The following NOTCH2NLR variants were observed in gnomAD, a reference collection of about 807,000 sequenced individuals.
The protein encoded by NOTCH2NLR is notch 2 N-terminal like R.
In NOTCH2NLR, 33 loss-of-function variants were observed where a neutral mutation model predicts 35.6. That is an observed-to-expected ratio of 0.93 (90% CI 0.70 to 1.24). NOTCH2NLR has a LOEUF of 1.24. Among genes scored for constraint, NOTCH2NLR ranks in the 50% most tolerant of loss-of-function variants. The pLI is 0.00. For synonymous variants in NOTCH2NLR, 103 were observed against 141.0 expected (o/e 0.73, Z 1.91); for missense variants, 276 against 362.2 (o/e 0.76, Z 1.93).
rs1256273353 is a variant in NOTCH2NLR, at chr1:120,790,535, C to CCTTCCTTTCTTTCTTT, written c.416-2623_416-2622insCCTTTCTTTCTTTCTT. On this transcript the variant is annotated intron_variant, in intron 3 of 4. Coordinates refer to ENST00000624419, the Ensembl canonical transcript of NOTCH2NLR. ...TTGATTCTTTCTTTCTTTCTCCCTC[C>CCTTCCTTTCTTTCTTT]CTTTCTTTCTTTCTTTCTTTCTTTC... 1.8e-4 allele frequency among the ~76,000 whole-genome samples: 14 copies of CCTTCCTTTCTTTCTTT among 76,714 alleles called. 1 individual carries two copies. In the East Asian group the frequency reaches 4.5e-3, roughly 25 times the overall value. The allele number at this position is 76,714 out of a possible 152,430, so 50.3% of individuals were successfully genotyped here.
chr1:120,792,774 A>G (rs1431893875), intron 3 of NOTCH2NLR, among the ~76,000 whole-genome samples: 2 of 101,828 alleles, frequency 2.0e-5, no homozygotes, highest in Non-Finnish European at 3.6e-5. Flanking sequence ...TGCTGGAATT[A>G]CAGGTGTGAG....
rs1206962436 is a variant in NOTCH2NLR at position 120,728,475 on chromosome 1, T to C, written c.73+4225T>C. On this transcript the variant is annotated intron_variant, in intron 1 of 4. Coordinates refer to ENST00000624419, the Ensembl canonical transcript of NOTCH2NLR. ...TGTGGGGTTTCTTTCTTTCTTTTTC[T>C]GATCACTTCTGCAATTTATAAATCA... 1.7e-5 allele frequency among the ~76,000 whole-genome samples: 2 copies of C among 115,488 alleles called. 1 individual carries two copies. The highest frequency in any genetic ancestry group is 4.2e-4 in the East Asian group (2 of 4,762). 75.8% of individuals were successfully genotyped at this position (115,488 alleles called of 152,430 possible).
chr1:120,770,023 T>C lies in NOTCH2NLR; in HGVS notation c.155+6314T>C, dbSNP rs1220313763. ...AAATCAAAATTAATGCAAAATAAGT[T>C]GAAAATTATCAAAATTTTAAATAAG... On this transcript the variant is annotated intron_variant, in intron 2 of 4. Transcript: ENST00000624419. 1.8e-5 allele frequency among the ~76,000 whole-genome samples: 2 copies of C among 113,428 alleles called. 1 individual carries two copies. Among genetic ancestry groups the C allele is most frequent in the Non-Finnish European group, 3.7e-5 (2 of 53,938 alleles). The allele number at this position is 113,428 out of a possible 152,430, so 74.4% of individuals were successfully genotyped here.
intron 3 of NOTCH2NLR, among the ~76,000 whole-genome samples, chr1:120,789,306 C>A (rs1651457513): frequency 2.7e-5 from 1 of 36,792 alleles, no homozygotes; most frequent in Non-Finnish European, 4.3e-5. Context: ...CTCGCAAAAA[C>A]CCCACTCTTG....
Position 120,793,773 on chromosome 1 carries a change from G to A in NOTCH2NLR, c.778G>A (p.Ala260Thr), listed in dbSNP as rs1252055643. The change falls in exon 5 of 5, where the codon GCT becomes ACT. Residue 260 changes from alanine to threonine, a missense_variant. Transcript: ENST00000624419. ...AACAGTGAGAAATAAGAGGAACAGA[G>A]CTCTGGGAAAGAGACAGGCAAGTCT... 4.4e-5 allele frequency: 44 copies of A among 1,008,274 alleles called. 13 individuals carry two copies. The South Asian group carries it at 5.7e-4, about 13-fold the overall frequency. The allele number at this position is 1,008,274 out of a possible 1,614,324, so 62.5% of individuals were successfully genotyped here. A position where few individuals can be genotyped will look rare whatever the true frequency, so the allele number is the denominator to read the frequency against.
In NOTCH2NLR at chr1:120,776,093, T is replaced by C. The variant is rs1363272667; in HGVS notation, c.156-8881T>C. On this transcript the variant is annotated intron_variant, in intron 2 of 4. Coordinates refer to ENST00000624419, the Ensembl canonical transcript of NOTCH2NLR. ...TAAAGATTCCACAGAGCCCTTCACT[T>C]TGACCTTTTGCTTCTGCACTGAATA... 2.3e-4 allele frequency among the ~76,000 whole-genome samples: 27 copies of C among 116,256 alleles called. 4 individuals are homozygous for C. Among genetic ancestry groups the C allele is most frequent in the Non-Finnish European group, 4.1e-4 (25 of 60,878 alleles). The allele number at this position is 116,256 out of a possible 152,430, so 76.3% of individuals were successfully genotyped here.
rs1220100494 is a variant in NOTCH2NLR, at chr1:120,756,027, C to G, written c.74-7601C>G. 6.3e-5 allele frequency among the ~76,000 whole-genome samples: 7 copies of G among 110,806 alleles called. 1 individual carries two copies. The highest frequency in any genetic ancestry group is 2.7e-4 in the Admixed American group (3 of 11,320). 72.7% of individuals were successfully genotyped at this position (110,806 alleles called of 152,430 possible). ...ACTTCGTTTTTATTTAAATGTACCA[C>G]TTGGGATTTGAAGCTTCCGCACTTC... On this transcript the variant is annotated intron_variant, in intron 1 of 4. Transcript: ENST00000624419.
At chr1:120,752,579 T>TTTTTTC (rs1651036080) in intron 1 of NOTCH2NLR, among the ~76,000 whole-genome samples, 1 of 39,534 alleles carries the variant, frequency 2.5e-5, no homozygotes, top group Non-Finnish European at 4.1e-5. Flanking sequence ...TTTTTTCTTT[T>TTTTTTC]TTTTTTTTTC....
At chr1:120,724,199 C>T (rs1421816523) in exon 1 of NOTCH2NLR, 1 of 1,403,600 alleles carries the variant, frequency 7.1e-7, no homozygotes, top group South Asian at 1.3e-5. Context: ...GCGTCCCGCT[C>T]TGCTGTGGGC....
At chr1:120,790,252 G>A (rs1477290515) in intron 3 of NOTCH2NLR, among the ~76,000 whole-genome samples, 1 of 107,476 alleles carries the variant, frequency 9.3e-6, no homozygotes, top group Non-Finnish European at 1.7e-5. Context: ...CTGACCTCAT[G>A]ATCCACCCGC....
At chr1:120,761,288 C>A (rs1651134331) in intron 1 of NOTCH2NLR, among the ~76,000 whole-genome samples, 1 of 115,658 alleles carries the variant, frequency 8.6e-6, no homozygotes, top group Non-Finnish European at 1.7e-5. Flanking sequence ...ATTATGTACT[C>A]CAGGTTTCTT....
intron 1 of NOTCH2NLR, among the ~76,000 whole-genome samples, chr1:120,737,547 G>C (rs1571020365): frequency 2.3e-5 from 1 of 44,056 alleles, no homozygotes; most frequent in East Asian, 5.2e-4. Flanking sequence ...TGTTTTTTGA[G>C]GTCTGAAAAG....
rs2101409071 is a variant in NOTCH2NLR, at chr1:120,763,646, G to A, written c.92G>A (p.Gly31Asp). The change falls in exon 2 of 5, where the codon GGC becomes GAC. Residue 31 changes from glycine to aspartate, a missense_variant. Coordinates refer to ENST00000624419, the Ensembl canonical transcript of NOTCH2NLR. ...TTTTTAGCATTGCAGTGTCGAGATG[G>A]CTATGAACCCTGTGTAAATAAAGGA... 5.8e-5 allele frequency: 81 copies of A among 1,402,612 alleles called. 13 individuals are homozygous for A. In the East Asian group the frequency reaches 1.8e-3, roughly 32 times the overall value. The allele number at this position is 1,402,612 out of a possible 1,614,324, so 86.9% of individuals were successfully genotyped here. A position where few individuals can be genotyped will look rare whatever the true frequency, so the allele number is the denominator to read the frequency against.
chr1:120,758,137 G>A (rs2101395920), intron 1 of NOTCH2NLR, among the ~76,000 whole-genome samples: 1 of 124,422 alleles, frequency 8.0e-6, no homozygotes, highest in East Asian at 2.0e-4. Flanking sequence ...GATCTGTTCA[G>A]GAAAGAGGGC....
intron 1 of NOTCH2NLR, among the ~76,000 whole-genome samples, chr1:120,728,414 G>A (rs1650838903): frequency 9.1e-6 from 1 of 110,084 alleles, no homozygotes; most frequent in African/African-American, 5.6e-5. Flanking sequence ...TTCCCCAGAT[G>A]TTTCATTTAA....
intron 1 of NOTCH2NLR, among the ~76,000 whole-genome samples, chr1:120,724,821 G>C (rs1650800536): frequency 1.1e-5 from 1 of 92,256 alleles, no homozygotes; most frequent in Non-Finnish European, 2.1e-5. Flanking sequence ...CCCACCGAAA[G>C]TCCGGGGGAG....
intron 2 of NOTCH2NLR, among the ~76,000 whole-genome samples, chr1:120,777,264 G>A (rs1335302219): frequency 5.2e-5 from 1 of 19,306 alleles, no homozygotes; most frequent in Admixed American, 6.1e-4. Flanking sequence ...TTTTCCTGTG[G>A]GAAACTTTTA....
intron 1 of NOTCH2NLR, among the ~76,000 whole-genome samples, chr1:120,734,219 C>T (rs1262659113): frequency 3.7e-4 from 3 of 8,092 alleles, no homozygotes; most frequent in Non-Finnish European, 5.9e-4. Context: ...ATGCTGAAGC[C>T]CTGCAGGTCT....
At chr1:120,783,976 C>A (rs1413010257) in intron 2 of NOTCH2NLR, among the ~76,000 whole-genome samples, 2 of 109,334 alleles carry the variant, frequency 1.8e-5, no homozygotes, top group Non-Finnish European at 3.4e-5. Context: ...AGTTTCTAAG[C>A]AATAATTAGA....
Sources: gnomAD v4.1 joint callset for allele counts (sites outside exome capture counted in the v4.1 genomes callset) on GRCh38, gnomAD v4.1.1 for gene constraint, MANE v1.5 for transcripts, NCBI Gene and HGNC (gene_info 2026-07-23, HGNC 2026-07-21) for gene names.